Variants in CCDC157 observed in about 807,000 individuals in gnomAD.
The protein encoded by CCDC157 is coiled-coil domain containing 157, also known as coiled-coil domain-containing protein 157.
In CCDC157, 60 loss-of-function variants were observed where a neutral mutation model predicts 70.9. That is an observed-to-expected ratio of 0.85 (90% CI 0.69 to 1.05). The LOEUF (loss-of-function observed/expected upper bound fraction) is 1.05, where lower values mean the gene tolerates loss of function less well. Ranked by LOEUF, CCDC157 falls within the 50% of genes least tolerant of loss-of-function variation. CCDC157 has a pLI of 0.00. For synonymous variants in CCDC157, 373 were observed against 422.4 expected, an observed-to-expected ratio of 0.88 and a Z score of 1.43; for missense variants, 943 against 984.2, an observed-to-expected ratio of 0.96 and a Z score of 0.56.
intron 9 of CCDC157, chr22:30,375,133 AT>A (rs1436363027): frequency 6.9e-6 from 2 of 291,374 alleles, no homozygotes; most frequent in Non-Finnish European, 6.6e-6. Context: ...TCATTTTTCT[AT>A]TTTTAGTAGA....
chr22:30,365,306 C>G (rs1199695995), intron 2 of CCDC157, among the ~76,000 whole-genome samples: 1 of 149,558 alleles, frequency 6.7e-6, no homozygotes, highest in Non-Finnish European at 1.5e-5. Flanking sequence ...TGAGCTGCAA[C>G]TCGTAGCTGA....
intron 7 of CCDC157, chr22:30,372,622 G>A: frequency 4.1e-6 from 1 of 245,228 alleles, no homozygotes; most frequent in Non-Finnish European, 7.9e-6. Flanking sequence ...TGGCTTCTAG[G>A]AGGAGGTGGC....
In CCDC157 at chr22:30,376,238, GC is replaced by G. The variant is rs1933349400; in HGVS notation, c.1858-20del. The G allele has an allele frequency of 3.0e-6, 4 of 1,313,520 alleles. No individual in the cohort carries two copies. Among genetic ancestry groups the G allele is most frequent in the Admixed American group, 1.8e-5 (1 of 56,818 alleles). 81.4% of individuals were successfully genotyped at this position (1,313,520 alleles called of 1,614,324 possible). ...GGACTCCTGGGCCCTTATAAGACTGGCTTTTTTTTTTTTTTTGTAGCTGATC... is the reference window on the plus strand; with the variant it reads ...GGACTCCTGGGCCCTTATAAGACTGGTTTTTTTTTTTTTTTGTAGCTGATC... On this transcript the variant is annotated intron_variant, in intron 10 of 11. Coordinates refer to ENST00000338306, the MANE Select transcript of CCDC157 (RefSeq NM_001017437.5).
At chr22:30,373,828 G>GT in intron 8 of CCDC157, 64 bp downstream of exon 8, 3 of 1,534,012 alleles carry the variant, frequency 2.0e-6, no homozygotes, top group Non-Finnish European at 2.6e-6. Context: ...CTGCAGGCCT[G>GT]TCCCATGTCT....
Position 30,369,434 on chromosome 22 carries a change from TC to T in CCDC157, c.253del (p.Leu85CysfsTer8). ...CAACCTAGCATCTCTGCCCGCAGGC[TC>T]CTGCTGCTGCTTCAAAGCTGTATGA... The part of the protein sequence containing the change: ...AVLLELVIDR[L>X]LLLLQSCMSY... On this transcript the variant is annotated frameshift_variant, in exon 4 of 12. Transcript: ENST00000338306. LOFTEE classifies it high-confidence loss of function. 6.6e-7 allele frequency: 1 copy of T among 1,518,560 alleles called. No individual in the cohort carries two copies. Among genetic ancestry groups the T allele is most frequent in the South Asian group, 1.3e-5 (1 of 79,740 alleles). The allele number at this position is 1,518,560 out of a possible 1,614,324, so 94.1% of individuals were successfully genotyped here.
rs1933440182 is a variant in CCDC157 at position 30,377,836 on chromosome 22, A to G, written c.*1091A>G. 1 of 318,992 alleles carries G rather than the reference A, an allele frequency of 3.1e-6. No individual in the cohort carries two copies. Among genetic ancestry groups the G allele is most frequent in the Non-Finnish European group, 6.3e-6 (1 of 159,216 alleles). 19.8% of individuals were successfully genotyped at this position (318,992 alleles called of 1,614,324 possible). ...GACCTCACAGCTGAGTAGCTCTCTC[A>G]GGCGCCCACCAACTCCGTGCCATGT... On this transcript the variant is annotated 3_prime_UTR_variant, in exon 12 of 12. Transcript: ENST00000338306.
At chr22:30,375,361 C>T (rs2145960799) in intron 9 of CCDC157, 118 bp from the exon 10 acceptor site, 1 of 915,812 alleles carries the variant, frequency 1.1e-6, no homozygotes, top group East Asian at 2.5e-5. Flanking sequence ...GGAATAAGGC[C>T]TCGGGAGAAG....
rs1022065053 is a variant in CCDC157 at position 30,366,620 on chromosome 22, C to T, written c.248+372C>T. The T allele has an allele frequency of 1.6e-5, 5 of 316,220 alleles. No individual in the cohort carries two copies. In the Admixed American group the frequency reaches 2.2e-4, roughly 14 times the overall value. The allele number at this position is 316,220 out of a possible 1,614,324, so 19.6% of individuals were successfully genotyped here. A position where few individuals can be genotyped will look rare whatever the true frequency, so the allele number is the denominator to read the frequency against. On this transcript the variant is annotated intron_variant, in intron 3 of 11. Transcript: ENST00000338306. Reference sequence around the variant, plus strand: ...CTTCTCAGAGTTTCCATTCCGGGCTCTCTTTCCTGTTGTCCTGTGGGTTGT... The same window carrying T: ...CTTCTCAGAGTTTCCATTCCGGGCTTTCTTTCCTGTTGTCCTGTGGGTTGT...
Position 30,376,721 on chromosome 22 carries a change from C to T in CCDC157, c.2235C>T (p.His745=), listed in dbSNP as rs1251989831. The change falls in exon 12 of 12, where the codon CAC becomes CAT. Residue 745 remains histidine, a synonymous_variant. Transcript: ENST00000338306. ...GCCGGGGACAGGCCAGCTCTGCACA[C>T]CAGCCCCAGGAGCGGCCCATGTAGC... ...SPGRGQASSA[H]QPQERPM is the part of the protein sequence containing the mutation. The T allele has an allele frequency of 3.1e-6, 5 of 1,612,704 alleles. No homozygotes were observed. The Admixed American group carries it at 8.3e-5, about 27-fold the overall frequency.
At position 30,376,254 on chromosome 22, in the gene CCDC157, T is replaced by TG; in HGVS notation, c.1858-4dup. The TG allele has an allele frequency of 6.2e-7, 1 of 1,605,128 alleles. No individual in the cohort carries two copies. The highest frequency in any genetic ancestry group is 8.5e-7 in the Non-Finnish European group (1 of 1,175,976). The stretch of plus-strand genomic sequence containing the variant: ...ATAAGACTGGCTTTTTTTTTTTTTT[T>TG]GTAGCTGATCCCGCAGGACCGGCTC... On this transcript the variant is annotated splice_region_variant and splice_polypyrimidine_tract_variant and intron_variant, in intron 10 of 11. Coordinates refer to ENST00000338306, the MANE Select transcript of CCDC157 (RefSeq NM_001017437.5).
At chr22:30,373,110 G>A (rs1008770864) in intron 7 of CCDC157, 3 of 162,972 alleles carry the variant, frequency 1.8e-5, no homozygotes, top group African/African-American at 7.2e-5. Flanking sequence ...TGAGGTTAAG[G>A]AAGTTGCCCA....
At chr22:30,359,924 T>G (rs1417225605) in intron 1 of CCDC157, among the ~76,000 whole-genome samples, 2 of 151,632 alleles carry the variant, frequency 1.3e-5, no homozygotes, top group South Asian at 4.2e-4. Context: ...ACGAAAAGAT[T>G]GCTTGAGGCC....
At chr22:30,369,682 A>G (rs1932851138) in intron 4 of CCDC157, 79 bp downstream of exon 4, 1 of 1,192,792 alleles carries the variant, frequency 8.4e-7, no homozygotes, top group South Asian at 1.9e-5. Flanking sequence ...ACCTCGCCCC[A>G]GCTCTGGCTT....
intron 6 of CCDC157, 53 bp from the exon 7 acceptor site, chr22:30,372,022 G>A (rs1041811297): frequency 1.6e-6 from 2 of 1,224,166 alleles, no homozygotes; most frequent in East Asian, 2.6e-5. Context: ...TAGGTCTGAG[G>A]TAGTACAGCG....
Position 30,378,240 on chromosome 22 carries a change from A to G in CCDC157, c.*1495A>G. The G allele has an allele frequency of 2.2e-6, 1 of 464,598 alleles. No homozygotes were observed. Among genetic ancestry groups the G allele is most frequent in the South Asian group, 1.6e-5 (1 of 63,936 alleles). The allele number at this position is 464,598 out of a possible 1,614,324, so 28.8% of individuals were successfully genotyped here. A position where few individuals can be genotyped will look rare whatever the true frequency, so the allele number is the denominator to read the frequency against. On this transcript the variant is annotated 3_prime_UTR_variant, in exon 12 of 12. Transcript: ENST00000338306. ...TTCTACCAGCAGAAAACTACTTTGAATAGGCTCATGTGGTTAGGGCAAGGC... is the reference window on the plus strand; with the variant it reads ...TTCTACCAGCAGAAAACTACTTTGAGTAGGCTCATGTGGTTAGGGCAAGGC...
At position 30,376,827 on chromosome 22, in the gene CCDC157, C is replaced by A; in HGVS notation, c.*82C>A. On this transcript the variant is annotated 3_prime_UTR_variant, in exon 12 of 12. Coordinates refer to ENST00000338306, the MANE Select transcript of CCDC157 (RefSeq NM_001017437.5). The stretch of plus-strand genomic sequence containing the variant: ...TAAAGCCCCAGCCATTGGCCCACAG[C>A]AATCTTTGCCTCACAGTATGACTGA... 7.4e-7 allele frequency: 1 copy of A among 1,352,470 alleles called. No homozygotes were observed. The highest frequency in any genetic ancestry group is 1.0e-6 in the Non-Finnish European group (1 of 982,202). The allele number at this position is 1,352,470 out of a possible 1,614,324, so 83.8% of individuals were successfully genotyped here.
chr22:30,356,735 T>G, upstream of CCDC157: 1 of 1,493,292 alleles, frequency 6.7e-7, no homozygotes, highest in Non-Finnish European at 8.9e-7. Flanking sequence ...GGTACCTGTT[T>G]GGGCTCCGTG....
chr22:30,365,008 A>G (rs907057410), intron 2 of CCDC157, among the ~76,000 whole-genome samples: 2 of 152,046 alleles, frequency 1.3e-5, no homozygotes, highest in African/African-American at 4.8e-5. Flanking sequence ...GAGCATCTAC[A>G]ATGGGCCAGG....
chr22:30,374,954 C>CTTTTTTTTTTTTTTTTT (rs10611353), intron 9 of CCDC157: 1 of 201,728 alleles, frequency 5.0e-6, no homozygotes, highest in Non-Finnish European at 9.0e-6. Flanking sequence ...TTTGCTAAGT[C>CTTTTTTTTTTTTTTTTT]TTTTTTTTTT....
Sources: gnomAD v4.1 joint callset for allele counts (sites outside exome capture counted in the v4.1 genomes callset) on GRCh38, gnomAD v4.1.1 for gene constraint, MANE v1.5 for transcripts, NCBI Gene and HGNC (gene_info 2026-07-23, HGNC 2026-07-21) for gene names.